Variants in ANKRD18B observed in about 807,000 individuals in gnomAD.
ANKRD18B encodes the protein ankyrin repeat domain 18B, also known as ankyrin repeat domain-containing protein 18B.
In ANKRD18B, 75 loss-of-function variants were observed where a neutral mutation model predicts 111.8. The ratio of observed to expected loss-of-function variants is 0.67; its 90% CI spans 0.56 to 0.81. The LOEUF is 0.81. Ranked by LOEUF, ANKRD18B falls within the 40% of genes least tolerant of loss-of-function variation. The pLI, the probability that ANKRD18B is intolerant of heterozygous loss-of-function variation, is 0.00. For synonymous variants in ANKRD18B, 356 were observed against 417.3 expected, an observed-to-expected ratio of 0.85 and a Z score of 1.79; for missense variants, 1,038 against 1,225.5, an observed-to-expected ratio of 0.85 and a Z score of 2.28.
At chr9:33,566,686 A>T (rs1587277466) in intron 15 of ANKRD18B, among the ~76,000 whole-genome samples, 186 bp downstream of exon 15, 1 of 152,158 alleles carries the variant, frequency 6.6e-6, no homozygotes, top group Non-Finnish European at 1.5e-5. Flanking sequence ...TTATTATAAC[A>T]AAATCAATCT....
chr9:33,528,627 G>A (rs1427063663), intron 1 of ANKRD18B, 100 bp from the exon 2 acceptor site: 2 of 931,846 alleles, frequency 2.1e-6, no homozygotes, highest in African/African-American at 3.3e-5. Flanking sequence ...TTGTTTTGAA[G>A]GCAGAGGAAT....
chr9:33,536,706 T>C (rs3954922), intron 5 of ANKRD18B, among the ~76,000 whole-genome samples, 172 bp from the exon 6 acceptor site: 7 of 152,228 alleles, frequency 4.6e-5, no homozygotes, highest in Non-Finnish European at 8.8e-5. Flanking sequence ...TTTTCTTGTT[T>C]AATTAGAAGC....
chr9:33,528,947 T>C (rs1587255551), intron 2 of ANKRD18B, 53 bp from the exon 3 acceptor site: 2 of 1,600,550 alleles, frequency 1.2e-6, no homozygotes, highest in African/African-American at 1.3e-5. Context: ...CTGTGGAATA[T>C]GTATTTTGAA....
chr9:33,569,780 T>A (rs1160809071), intron 17 of ANKRD18B, among the ~76,000 whole-genome samples: 1 of 152,176 alleles, frequency 6.6e-6, no homozygotes, highest in Non-Finnish European at 1.5e-5. Flanking sequence ...ACGCCTGTAA[T>A]CCCAGCATTT....
intron 3 of ANKRD18B, among the ~76,000 whole-genome samples, chr9:33,532,470 G>T (rs1212458076): frequency 6.6e-6 from 1 of 152,156 alleles, no homozygotes; most frequent in Non-Finnish European, 1.5e-5. Flanking sequence ...ATTGAGAATA[G>T]AATTTCTTAC....
At position 33,567,181 on chromosome 9, in the gene ANKRD18B, C is replaced by T; in HGVS notation, c.2821C>T (p.Leu941Phe). 6.5e-7 allele frequency: 1 copy of T among 1,549,668 alleles called. No individual in the cohort carries two copies. ...TASLKKKELTLKDVECKFSKM... is the reference protein window; with the variant it reads ...TASLKKKELTFKDVECKFSKM... The stretch of plus-strand genomic sequence containing the variant: ...TTCACTAAAAAAGAAGGAACTCACA[C>T]TTAAAGATGTGGAATGTAAATTCTC... Residue 941 changes from leucine (L) to phenylalanine (F), a missense_variant, in exon 16 of 19, where the codon CTT becomes TTT. Leu to Phe is a conservative substitution (Grantham distance 22, BLOSUM62 0). Coordinates refer to ENST00000684830, the MANE Select transcript of ANKRD18B (RefSeq NM_001393611.1).
chr9:33,524,815 C>G, intron 1 of ANKRD18B, 120 bp downstream of exon 1: 1 of 1,212,954 alleles, frequency 8.2e-7, no homozygotes, highest in South Asian at 1.6e-5. Context: ...AATGGAGCCT[C>G]AGCTGCTTTC....
chr9:33,565,178 C>A (rs1265226251), intron 14 of ANKRD18B, among the ~76,000 whole-genome samples: 1 of 152,152 alleles, frequency 6.6e-6, no homozygotes, highest in East Asian at 1.9e-4. Flanking sequence ...TCAATTGATT[C>A]TGAGTTTATT....
intron 9 of ANKRD18B, among the ~76,000 whole-genome samples, chr9:33,542,917 T>G (rs1828301106): frequency 6.6e-6 from 1 of 152,176 alleles, no homozygotes; most frequent in Non-Finnish European, 1.5e-5. Flanking sequence ...AGCAGTTTTT[T>G]TTTTATATTG....
rs1357006242 is a variant in ANKRD18B at position 33,558,569 on chromosome 9, C to T, written c.2460+382C>T. Among the ~76,000 whole-genome samples the T allele has an allele frequency of 3.3e-5, 5 of 152,112 alleles. No individual in the cohort carries two copies. In the East Asian group the frequency reaches 5.8e-4, roughly 18 times the overall value. On this transcript the variant is annotated intron_variant, in intron 14 of 18. Transcript: ENST00000684830. ...TCCATAGTATTCCATGATGTATATA[C>T]ACCACATTTTTTTATCCTGTCTATC...
At position 33,572,552 on chromosome 9, in the gene ANKRD18B, TTA is replaced by T. The variant is rs1196994304; in HGVS notation, c.*122_*123del. The T allele has an allele frequency of 1.9e-5, 25 of 1,304,792 alleles. No homozygotes were observed. The highest frequency in any genetic ancestry group is 1.1e-4 in the Admixed American group (3 of 27,440). 80.8% of individuals were successfully genotyped at this position (1,304,792 alleles called of 1,614,324 possible). A position where few individuals can be genotyped will look rare whatever the true frequency, so the allele number is the denominator to read the frequency against. The stretch of plus-strand genomic sequence containing the variant: ...TATTTTCATATCATATGATGTATAT[TTA>T]TATGTTATTTTAAATGATTTTTTTA... On this transcript the variant is annotated 3_prime_UTR_variant, in exon 19 of 19. Coordinates refer to ENST00000684830, the MANE Select transcript of ANKRD18B (RefSeq NM_001393611.1).
At position 33,524,542 on chromosome 9, in the gene ANKRD18B, C is replaced by A. The variant is rs1275199535; in HGVS notation, c.53C>A (p.Ser18Tyr). 1.3e-6 allele frequency: 2 copies of A among 1,551,248 alleles called. No homozygotes were observed. The highest frequency in any genetic ancestry group is 4.9e-5 in the East Asian group (2 of 40,912). ...CGCCTGGGCCAGGCGCTCCTGAGCTCCATGGACCAAGAGTATGCGGGTCGG... is the reference window on the plus strand; with the variant it reads ...CGCCTGGGCCAGGCGCTCCTGAGCTACATGGACCAAGAGTATGCGGGTCGG... The part of the protein sequence containing the change: ...GRRLGQALLS[S>Y]MDQEYAGRGY... The change falls in exon 1 of 19, where the codon TCC (serine) becomes TAC (tyrosine). Residue 18 changes from serine to tyrosine, a missense_variant. This residue lies in a region of ANKRD18B where 216 missense variants were observed against 205.1 expected (regional missense o/e 1.05). Transcript: ENST00000684830.
At chr9:33,536,401 A>G (rs1484347845) in intron 5 of ANKRD18B, among the ~76,000 whole-genome samples, 2 of 152,232 alleles carry the variant, frequency 1.3e-5, no homozygotes, top group Admixed American at 1.3e-4. Flanking sequence ...AGATTCCAAA[A>G]TGGTTTCAGC....
chr9:33,566,347 G>A lies in ANKRD18B; in HGVS notation c.2589G>A (p.Glu863=). Residue 863 remains glutamate, a synonymous_variant, in exon 15 of 19, where the codon GAG becomes GAA. Coordinates refer to ENST00000684830, the MANE Select transcript of ANKRD18B (RefSeq NM_001393611.1). ...TACAAGAGAAATGTGAAAAACTTGA[G>A]AAGGATAAAAAGATGTTGGAAGAAA... The part of the protein sequence containing the change: ...GKVQEKCEKL[E]KDKKMLEEKV... The A allele has an allele frequency of 6.4e-7, 1 of 1,569,770 alleles. No individual in the cohort carries two copies. The highest frequency in any genetic ancestry group is 8.7e-7 in the Non-Finnish European group (1 of 1,154,196).
chr9:33,537,929 G>A (rs1398737718), intron 6 of ANKRD18B, among the ~76,000 whole-genome samples: 1 of 152,112 alleles, frequency 6.6e-6, no homozygotes, highest in African/African-American at 2.4e-5. Context: ...AAACATAAGC[G>A]AATCCTCCCA....
At chr9:33,547,559 A>G (rs1439233006) in intron 10 of ANKRD18B, among the ~76,000 whole-genome samples, 2 of 152,088 alleles carry the variant, frequency 1.3e-5, no homozygotes, top group Non-Finnish European at 2.9e-5. Flanking sequence ...ATCAGAGTAT[A>G]AATGCAATTT....
chr9:33,543,229 G>A lies in ANKRD18B; in HGVS notation c.1123G>A (p.Glu375Lys). 15 of 1,552,358 alleles carry A rather than the reference G, an allele frequency of 9.7e-6. No individual in the cohort carries two copies. The highest frequency in any genetic ancestry group is 1.3e-5 in the Non-Finnish European group (15 of 1,147,260). Residue 375 changes from glutamate to lysine, a missense_variant, in exon 10 of 19, where the codon GAA (glutamate) becomes AAA (lysine). Physicochemically the swap from Glu to Lys is moderately conservative, Grantham distance 56 (BLOSUM62 1). Coordinates refer to ENST00000684830, the MANE Select transcript of ANKRD18B (RefSeq NM_001393611.1). ...VASEEKQERL[E>K]RSENKQPQDS... ...TTCAGAGGAAAAGCAAGAAAGGCTT[G>A]AAAGAAGTGAAAATAAACAGCCGCA...
At chr9:33,567,799 T>C (rs1461753557) in intron 16 of ANKRD18B, among the ~76,000 whole-genome samples, 2 of 152,192 alleles carry the variant, frequency 1.3e-5, no homozygotes, top group African/African-American at 4.8e-5. Flanking sequence ...CACTAGAGGG[T>C]ACCTCAAGAA....
intron 3 of ANKRD18B, among the ~76,000 whole-genome samples, chr9:33,531,544 G>T (rs975994821): frequency 6.7e-6 from 1 of 149,902 alleles, no homozygotes; most frequent in African/African-American, 2.5e-5. Context: ...TGCTTGGTCT[G>T]CTGCGCAGAG....
Sources: allele counts gnomAD v4.1 joint callset (sites outside exome capture counted in the v4.1 genomes callset), GRCh38; gene constraint gnomAD v4.1.1; regional missense constraint gnomAD v4.1.1; transcripts MANE v1.5; gene names NCBI Gene and HGNC (gene_info 2026-07-23, HGNC 2026-07-21).